Variants in ALCAM observed in about 807,000 individuals in gnomAD.
The protein encoded by ALCAM is activated leukocyte cell adhesion molecule.
In ALCAM, 30 loss-of-function variants were observed where a neutral mutation model predicts 70.9. The observed-to-expected ratio is 0.42, with a 90% CI of 0.32 to 0.57. ALCAM has a LOEUF of 0.57. Among genes scored for constraint, ALCAM ranks in the 20% least tolerant of loss-of-function variants. The pLI is 0.11. For synonymous variants in ALCAM, 249 were observed against 242.5 expected (o/e 1.03, Z -0.25); for missense variants, 591 against 695.1 (o/e 0.85, Z 1.68).
chr3:105,366,976 G>GC lies in ALCAM; in HGVS notation c.-426dup, dbSNP rs1336844184. Reference sequence around the variant, plus strand: ...CCGCTGCCACCTGAGGAGACCCGCCGCCCCCCCGTCGCCGCCTCCTGCGAG... The same window carrying GC: ...CCGCTGCCACCTGAGGAGACCCGCCGCCCCCCCCGTCGCCGCCTCCTGCGAG... On this transcript the variant is annotated 5_prime_UTR_variant, in exon 1 of 16. Coordinates refer to ENST00000306107, the MANE Select transcript of ALCAM (RefSeq NM_001627.4). 3.7e-5 allele frequency: 6 copies of GC among 163,106 alleles called. No homozygotes were observed. Among genetic ancestry groups the GC allele is most frequent in the East Asian group, 3.7e-4 (2 of 5,396 alleles). 10.1% of individuals were successfully genotyped at this position (163,106 alleles called of 1,614,324 possible).
intron 14 of ALCAM, among the ~76,000 whole-genome samples, chr3:105,570,833 A>T (rs13320956): frequency 6.6e-6 from 1 of 152,160 alleles, no homozygotes; most frequent in Non-Finnish European, 1.5e-5. Flanking sequence ...ATAGCAGGTA[A>T]AACTATTATG....
intron 1 of ALCAM, among the ~76,000 whole-genome samples, chr3:105,424,796 T>C (rs1936748735): frequency 1.3e-5 from 2 of 151,686 alleles, no homozygotes; most frequent in Non-Finnish European, 3.0e-5. Context: ...CAGAAAACCA[T>C]AGATATTTAT....
chr3:105,393,939 G>A (rs1448835176), intron 1 of ALCAM, among the ~76,000 whole-genome samples: 1 of 151,782 alleles, frequency 6.6e-6, no homozygotes, highest in Non-Finnish European at 1.5e-5. Flanking sequence ...TTTATTTTAA[G>A]CTCACTCAAA....
intron 1 of ALCAM, among the ~76,000 whole-genome samples, chr3:105,445,384 T>C (rs542445036): frequency 1.3e-5 from 2 of 152,274 alleles, no homozygotes; most frequent in East Asian, 3.9e-4. Flanking sequence ...ACCCTTAATA[T>C]TGTTAAAATG....
At chr3:105,523,935 G>A (rs1005378534) in intron 2 of ALCAM, among the ~76,000 whole-genome samples, 1 of 152,078 alleles carries the variant, frequency 6.6e-6, no homozygotes, top group South Asian at 2.1e-4. Context: ...TATACCTGCC[G>A]TGATGGTTAT....
At chr3:105,503,913 G>A (rs1422391235) in intron 1 of ALCAM, among the ~76,000 whole-genome samples, 1 of 152,044 alleles carries the variant, frequency 6.6e-6, no homozygotes, top group Non-Finnish European at 1.5e-5. Context: ...GTCCATTCCA[G>A]GCAAAGCCTT....
chr3:105,551,574 TC>T (rs1438679902), intron 12 of ALCAM, among the ~76,000 whole-genome samples: 1 of 151,606 alleles, frequency 6.6e-6, no homozygotes, highest in African/African-American at 2.4e-5. Context: ...CAGTGGTAAT[TC>T]TTAAAATGGA....
chr3:105,400,389 T>C (rs1287906774), intron 1 of ALCAM, among the ~76,000 whole-genome samples: 2 of 152,198 alleles, frequency 1.3e-5, no homozygotes, highest in African/African-American at 4.8e-5. Context: ...ATCTTCATTT[T>C]TGCAGGTATG....
At chr3:105,479,782 A>G (rs1938219634) in intron 1 of ALCAM, among the ~76,000 whole-genome samples, 1 of 152,248 alleles carries the variant, frequency 6.6e-6, no homozygotes, top group Non-Finnish European at 1.5e-5. Context: ...GAGATTTTGA[A>G]TTAAATAGCC....
In ALCAM at chr3:105,573,338, A is replaced by G. The variant is rs1166773660; in HGVS notation, c.*26-1139A>G. On this transcript the variant is annotated intron_variant, in intron 15 of 15. Coordinates refer to ENST00000306107, the MANE Select transcript of ALCAM (RefSeq NM_001627.4). Reference sequence around the variant, plus strand: ...TGAGATTCTGTCTCAAAATATAAAAATAAAAAAATAAAAAACTTTAATCTA... The same window carrying G: ...TGAGATTCTGTCTCAAAATATAAAAGTAAAAAAATAAAAAACTTTAATCTA... Among the ~76,000 whole-genome samples the G allele has an allele frequency of 2.6e-5, 4 of 152,160 alleles. 1 individual carries two copies. The highest frequency in any genetic ancestry group is 5.9e-5 in the Non-Finnish European group (4 of 68,036).
chr3:105,563,341 A>G (rs1272760096), intron 14 of ALCAM, among the ~76,000 whole-genome samples: 2 of 139,014 alleles, frequency 1.4e-5, no homozygotes, highest in Admixed American at 7.6e-5. Flanking sequence ...GGTGTTATCA[A>G]TTTTCAAAAT....
In ALCAM at chr3:105,540,002, T is replaced by C. The variant is rs1347433856; in HGVS notation, c.758T>C (p.Val253Ala). The C allele has an allele frequency of 6.2e-6, 10 of 1,612,408 alleles. No individual in the cohort carries two copies. Among genetic ancestry groups the C allele is most frequent in the Non-Finnish European group, 8.5e-6 (10 of 1,178,950 alleles). ...CCTACAGAGCAGGTGACAATACAAG[T>C]GCTGCCACCAAAAAATGCCATCAAA... Reference protein sequence around the residue: ...YYPTEQVTIQVLPPKNAIKEG... With the variant: ...YYPTEQVTIQALPPKNAIKEG... Residue 253 changes from valine to alanine, a missense_variant, in exon 7 of 16, where the codon GTG (valine) becomes GCG (alanine). This residue lies in a region of ALCAM where 427 missense variants were observed against 450.4 expected (regional missense o/e 0.95). Coordinates refer to ENST00000306107, the MANE Select transcript of ALCAM (RefSeq NM_001627.4).
chr3:105,504,630 G>T (rs1939017604), intron 1 of ALCAM, among the ~76,000 whole-genome samples: 1 of 152,184 alleles, frequency 6.6e-6, no homozygotes, highest in African/African-American at 2.4e-5. Flanking sequence ...CCAGCTGCTC[G>T]TTTGTTCCCC....
At chr3:105,389,268 G>A (rs1172986172) in intron 1 of ALCAM, among the ~76,000 whole-genome samples, 1 of 146,688 alleles carries the variant, frequency 6.8e-6, no homozygotes, top group East Asian at 2.0e-4. Flanking sequence ...ATGAAAGTAA[G>A]AAAGAAAGAT....
intron 4 of ALCAM, 89 bp from the exon 5 acceptor site, chr3:105,533,514 A>G: frequency 9.3e-7 from 1 of 1,072,448 alleles, no homozygotes. Context: ...AACCCTTGGA[A>G]TAACTCTGCA....
chr3:105,575,987 A>G lies in ALCAM; in HGVS notation c.*1536A>G, dbSNP rs1940954832. 6.6e-6 allele frequency: 1 copy of G among 152,214 alleles called. No individual in the cohort carries two copies. The highest frequency in any genetic ancestry group is 2.1e-4 in the South Asian group (1 of 4,838). 9.4% of individuals were successfully genotyped at this position (152,214 alleles called of 1,614,324 possible). On this transcript the variant is annotated 3_prime_UTR_variant, in exon 16 of 16. Coordinates refer to ENST00000306107, the MANE Select transcript of ALCAM (RefSeq NM_001627.4). ...TGCCACTTCTGCATTATTTAGAAAC[A>G]TACGTTATTGTACATTTGTAAACCA...
intron 1 of ALCAM, among the ~76,000 whole-genome samples, chr3:105,465,701 G>T (rs1937698453): frequency 6.6e-6 from 1 of 150,992 alleles, no homozygotes; most frequent in African/African-American, 2.4e-5. Flanking sequence ...TCCTCCTACT[G>T]GTTTTTTTAA....
At chr3:105,490,650 T>A (rs1453983282) in intron 1 of ALCAM, among the ~76,000 whole-genome samples, 1 of 152,184 alleles carries the variant, frequency 6.6e-6, no homozygotes, top group Admixed American at 6.5e-5. Flanking sequence ...TCTTGCCCCA[T>A]GCAAGTACAA....
At chr3:105,495,678 T>C (rs1018082183) in intron 1 of ALCAM, among the ~76,000 whole-genome samples, 26 of 152,282 alleles carry the variant, frequency 1.7e-4, no homozygotes, top group African/African-American at 5.3e-4. Context: ...CAGCACGCAC[T>C]CAGAATCCGT....
Sources: allele counts gnomAD v4.1 joint callset (sites outside exome capture counted in the v4.1 genomes callset), GRCh38; gene constraint gnomAD v4.1.1; regional missense constraint gnomAD v4.1.1; transcripts MANE v1.5; gene names NCBI Gene and HGNC (gene_info 2026-07-23, HGNC 2026-07-21).